Variants in RARB observed in about 807,000 individuals in gnomAD.
RARB encodes HBV-activated protein.
In RARB, 17 loss-of-function variants were observed where a neutral mutation model predicts 51.9. That is an observed-to-expected ratio of 0.33 (90% CI 0.22 to 0.49). RARB has a LOEUF of 0.49. Among genes scored for constraint, RARB ranks in the 20% least tolerant of loss-of-function variants. The pLI, the probability that RARB is intolerant of heterozygous loss-of-function variation, is 0.99. For synonymous variants in RARB, 215 were observed against 195.4 expected, an observed-to-expected ratio of 1.10 and a Z score of -0.84; for missense variants, 369 against 550.8, an observed-to-expected ratio of 0.67 and a Z score of 3.30.
intron 2 of RARB, among the ~76,000 whole-genome samples, chr3:24,974,464 A>G (rs977892972): frequency 6.6e-6 from 1 of 152,038 alleles, no homozygotes; most frequent in African/African-American, 2.4e-5. Flanking sequence ...TGTTTTTCAC[A>G]TTGTCTTTCT....
intron 2 of RARB, among the ~76,000 whole-genome samples, chr3:24,955,799 G>A (rs997499335): frequency 5.9e-5 from 9 of 152,078 alleles, no homozygotes; most frequent in African/African-American, 9.7e-5. Flanking sequence ...TAGGGAAGGC[G>A]GGGAGTGGAG....
chr3:25,584,489 G>T (rs1163143187), intron 5 of RARB, among the ~76,000 whole-genome samples: 1 of 152,178 alleles, frequency 6.6e-6, no homozygotes, highest in African/African-American at 2.4e-5. Flanking sequence ...TTCCCAGAAA[G>T]AGCCAGGCCC....
intron 2 of RARB, among the ~76,000 whole-genome samples, chr3:24,883,783 A>G (rs1459954716): frequency 6.6e-6 from 1 of 152,164 alleles, no homozygotes; most frequent in Non-Finnish European, 1.5e-5. Context: ...GCAAGCAAAC[A>G]AGTACCTAAC....
At chr3:25,525,351 G>A (rs78009233) in intron 3 of RARB, among the ~76,000 whole-genome samples, 51 of 152,286 alleles carry the variant, frequency 3.3e-4, no homozygotes, top group Non-Finnish European at 5.4e-4. Flanking sequence ...TGTGGAAAGA[G>A]TGGAGATAGG....
chr3:25,330,111 G>A (rs9816512), intron 5 of RARB, among the ~76,000 whole-genome samples: 29,588 of 151,930 alleles, frequency 0.19, 3,071 homozygotes, highest in African/African-American at 0.26. Flanking sequence ...AATGAGAAGA[G>A]CTTCCCCAAG....
intron 2 of RARB, among the ~76,000 whole-genome samples, chr3:24,960,641 A>G (rs1037256992): frequency 1.3e-5 from 2 of 152,242 alleles, no homozygotes; most frequent in Non-Finnish European, 2.9e-5. Flanking sequence ...TCTGATTAAA[A>G]CAAAACCAGA....
chr3:25,456,682 T>TATATAGAGAGAG lies in RARB; in HGVS notation c.158-4510_158-4509insTATAGAGAGAGA, dbSNP rs1491372969. Reference sequence around the variant, plus strand: ...TTGAATATATATATATATATATATATAGAGAGAGAGAGAGAGAGAGAGAGA... The same window carrying TATATAGAGAGAG: ...TTGAATATATATATATATATATATATATATAGAGAGAGAGAGAGAGAGAGAGAGAGAGAGAGA... On this transcript the variant is annotated intron_variant, in intron 1 of 7. Transcript: ENST00000330688. Among the ~76,000 whole-genome samples, 7 of 88,360 alleles carry TATATAGAGAGAG rather than the reference T, an allele frequency of 7.9e-5. No individual in the cohort carries two copies. The East Asian group carries it at 1.5e-3, about 19-fold the overall frequency. 58.0% of individuals were successfully genotyped at this position (88,360 alleles called of 152,430 possible).
intron 2 of RARB, among the ~76,000 whole-genome samples, chr3:24,923,494 CTT>C (rs1695259859): frequency 6.6e-6 from 1 of 151,842 alleles, no homozygotes; most frequent in Non-Finnish European, 1.5e-5. Flanking sequence ...ACTCTTCTTT[CTT>C]TTTCTTTTTT....
intron 2 of RARB, among the ~76,000 whole-genome samples, chr3:24,909,384 T>A (rs1694940839): frequency 1.3e-5 from 2 of 152,284 alleles, no homozygotes; most frequent in African/African-American, 4.8e-5. Context: ...ATGGGGATCA[T>A]CTTGGTGCTC....
At chr3:25,052,485 T>C (rs1698351884) in intron 2 of RARB, among the ~76,000 whole-genome samples, 1 of 152,252 alleles carries the variant, frequency 6.6e-6, no homozygotes, top group Admixed American at 6.5e-5. Context: ...TACTAAAAAT[T>C]GTTTTTTCTT....
chr3:25,416,993 C>T (rs780122235), intron 5 of RARB, among the ~76,000 whole-genome samples: 4 of 152,150 alleles, frequency 2.6e-5, no homozygotes, highest in Admixed American at 6.5e-5. Context: ...CCTTACCCCT[C>T]CAGATGCATC....
chr3:25,411,350 C>CTTGG (rs1320558093), intron 5 of RARB, among the ~76,000 whole-genome samples: 1 of 152,160 alleles, frequency 6.6e-6, no homozygotes, highest in Non-Finnish European at 1.5e-5. Flanking sequence ...AAAAACAACT[C>CTTGG]TTGGTAAAAT....
chr3:24,920,270 G>A (rs1695190302), intron 2 of RARB, among the ~76,000 whole-genome samples: 1 of 152,168 alleles, frequency 6.6e-6, no homozygotes, highest in Non-Finnish European at 1.5e-5. Context: ...ATTTCCAATG[G>A]AAATCGTGTT....
chr3:24,969,554 C>G (rs1335837231), intron 2 of RARB, among the ~76,000 whole-genome samples: 1 of 152,102 alleles, frequency 6.6e-6, no homozygotes, highest in Non-Finnish European at 1.5e-5. Flanking sequence ...TGAGGTTATT[C>G]TGTCTCTTTT....
chr3:25,357,627 G>A (rs1705785567), intron 5 of RARB, among the ~76,000 whole-genome samples: 1 of 152,066 alleles, frequency 6.6e-6, no homozygotes, highest in Admixed American at 6.6e-5. Context: ...TTTTCTTCTA[G>A]GGTTTTTATG....
intron 2 of RARB, among the ~76,000 whole-genome samples, chr3:24,883,376 G>GTA (rs1703209152): frequency 6.7e-6 from 1 of 149,608 alleles, no homozygotes; most frequent in African/African-American, 2.5e-5. Flanking sequence ...GTGTGTGTGT[G>GTA]TGTGTGTGTG....
chr3:25,277,387 T>G (rs1169979555), intron 5 of RARB, among the ~76,000 whole-genome samples: 1 of 152,132 alleles, frequency 6.6e-6, no homozygotes, highest in East Asian at 1.9e-4. Context: ...ACTATTAAAA[T>G]AAGCTGCTCA....
intron 2 of RARB, among the ~76,000 whole-genome samples, chr3:24,949,038 A>C (rs1432576531): frequency 6.6e-6 from 1 of 152,214 alleles, no homozygotes; most frequent in Admixed American, 6.5e-5. Flanking sequence ...ACTGCAGGGC[A>C]AGGTCAAAGG....
chr3:25,150,429 A>C (rs1700265700), intron 4 of RARB, among the ~76,000 whole-genome samples: 1 of 152,154 alleles, frequency 6.6e-6, no homozygotes, highest in South Asian at 2.1e-4. Context: ...GCCAGTGAAA[A>C]AGGCCAGTTG....
Sources: gnomAD v4.1 joint callset for allele counts (sites outside exome capture counted in the v4.1 genomes callset) on GRCh38, gnomAD v4.1.1 for gene constraint, MANE v1.5 for transcripts, NCBI Gene and HGNC (gene_info 2026-07-23, HGNC 2026-07-21) for gene names.